The following CELF2 variants were observed in gnomAD, a reference collection of about 807,000 sequenced individuals.
CELF2 encodes CUGBP Elav-like family member 2, also known as CUG triplet repeat RNA-binding protein 2.
CELF2 carries 8 observed loss-of-function variants against 62.6 expected under a neutral mutation model. That is an observed-to-expected ratio of 0.13 (90% confidence interval 0.07 to 0.23). The LOEUF is 0.23. Ranked by LOEUF, CELF2 falls within the 10% of genes least tolerant of loss-of-function variation. CELF2 has a pLI of 1.00. For synonymous variants in CELF2, 258 were observed against 250.0 expected (o/e 1.03, Z -0.30); for missense variants, 333 against 671.0 (o/e 0.50, Z 5.56).
the CELF2 span, among the ~76,000 whole-genome samples, chr10:10,754,069 T>G: frequency 3.3e-5 from 5 of 149,934 alleles, no homozygotes; most frequent in Non-Finnish European, 5.9e-5. Flanking sequence ...TGGTTTTTTT[T>G]TTTTTTTTTT....
chr10:11,276,230 C>T lies in CELF2; in HGVS notation c.841+1110C>T, dbSNP rs187093859. Among the ~76,000 whole-genome samples, 304 of 152,218 alleles carry T rather than the reference C, an allele frequency of 2.0e-3. 1 individual carries two copies. Among genetic ancestry groups the T allele is most frequent in the African/African-American group, 6.6e-3 (275 of 41,526 alleles). ...GGGTGTGGTGTGTGATCGGCAGCCC[C>T]GCCGTTGTGGCCCGAGGCTCCTGGA... is the stretch of plus-strand genomic sequence containing the variant. On this transcript the variant is annotated intron_variant, in intron 8 of 12. Coordinates refer to ENST00000633077, the MANE Select transcript of CELF2 (RefSeq NM_001326342.2).
chr10:10,987,901 C>T (rs961722649), intron 2 of CELF2, among the ~76,000 whole-genome samples: 1 of 152,126 alleles, frequency 6.6e-6, no homozygotes, highest in African/African-American at 2.4e-5. Context: ...CACATTAAAA[C>T]TACACTGAGA....
Position 11,257,263 on chromosome 10 carries a change from C to T in CELF2, c.404-475C>T, listed in dbSNP as rs558619478. Among the ~76,000 whole-genome samples, 87 of 150,840 alleles carry T rather than the reference C, an allele frequency of 5.8e-4. 1 individual carries two copies. In the South Asian group the frequency reaches 0.018, roughly 31 times the overall value. The stretch of plus-strand genomic sequence containing the variant: ...GTGAAAAGTTTCATTCGCTGTTTCG[C>T]TCCATCTGCCCCCATCGTCTTTCCT... On this transcript the variant is annotated intron_variant, in intron 4 of 12. Transcript: ENST00000633077.
intron 1 of CELF2, among the ~76,000 whole-genome samples, chr10:11,018,372 TTCCCGGAGGGACGAGCGGAGCGCGGCG>T (rs995596487): frequency 1.3e-5 from 2 of 151,502 alleles, no homozygotes; most frequent in Non-Finnish European, 2.9e-5. Flanking sequence ...GGCGCGGGGC[TTCCCGGAGGGACGAGCGGAGCGCGGCG>T]TCCCGGGGAC....
chr10:10,777,294 G>A, the CELF2 span, among the ~76,000 whole-genome samples: 1 of 152,126 alleles, frequency 6.6e-6, no homozygotes, highest in Non-Finnish European at 1.5e-5. Context: ...TGGCCCTGGT[G>A]CATCCTCATA....
chr10:10,513,004 T>C, the CELF2 span, among the ~76,000 whole-genome samples: 1 of 152,184 alleles, frequency 6.6e-6, no homozygotes, highest in Admixed American at 6.5e-5. Context: ...TTCAATACCA[T>C]GAAAACGGTG....
At chr10:11,128,722 G>A (rs879825875) in intron 1 of CELF2, among the ~76,000 whole-genome samples, 1 of 152,138 alleles carries the variant, frequency 6.6e-6, no homozygotes, top group Non-Finnish European at 1.5e-5. Flanking sequence ...TTTGCACATG[G>A]ATTTTGTATC....
intron 1 of CELF2, among the ~76,000 whole-genome samples, chr10:11,142,962 G>A (rs2061615882): frequency 6.6e-6 from 1 of 150,970 alleles, no homozygotes; most frequent in Non-Finnish European, 1.5e-5. Context: ...TCCCTCCACT[G>A]GGGGAACTCA....
chr10:10,491,057 C>G, the CELF2 span, among the ~76,000 whole-genome samples: 147 of 152,282 alleles, frequency 9.7e-4, 1 homozygote, highest in African/African-American at 3.3e-3. Flanking sequence ...AGGGAATGGA[C>G]TAAGGAAAAC....
chr10:10,762,743 G>T, the CELF2 span, among the ~76,000 whole-genome samples: 104 of 152,050 alleles, frequency 6.8e-4, no homozygotes, highest in African/African-American at 2.2e-3. Context: ...AGCAAAGAAA[G>T]ATTTGAAAAA....
chr10:10,535,579 G>T, the CELF2 span, among the ~76,000 whole-genome samples: 15 of 152,084 alleles, frequency 9.9e-5, no homozygotes, highest in African/African-American at 3.6e-4. Context: ...AATTAGCTGG[G>T]CATGGTGGCG....
the CELF2 span, among the ~76,000 whole-genome samples, chr10:10,691,610 T>G: frequency 1.3e-5 from 2 of 152,018 alleles, no homozygotes; most frequent in African/African-American, 4.8e-5. Context: ...TGAATCAGTT[T>G]ACAGTCCCAC....
At chr10:10,490,326 T>C in the CELF2 span, among the ~76,000 whole-genome samples, 5 of 152,196 alleles carry the variant, frequency 3.3e-5, no homozygotes, top group East Asian at 9.6e-4. Context: ...ATCACTGTTT[T>C]CCTTTATCAC....
At chr10:10,569,300 G>T in the CELF2 span, among the ~76,000 whole-genome samples, 1 of 152,140 alleles carries the variant, frequency 6.6e-6, no homozygotes, top group African/African-American at 2.4e-5. Flanking sequence ...ACAAAGGCAT[G>T]TCTAAACTGG....
intron 1 of CELF2, among the ~76,000 whole-genome samples, chr10:10,802,552 A>G (rs1311544589): frequency 1.3e-5 from 1 of 74,588 alleles, no homozygotes; most frequent in Non-Finnish European, 2.6e-5. Context: ...ATAAGACTTG[A>G]GAGAAAAAAA....
chr10:10,627,531 T>A, the CELF2 span, among the ~76,000 whole-genome samples: 12 of 152,306 alleles, frequency 7.9e-5, no homozygotes, highest in Admixed American at 6.5e-4. Flanking sequence ...TCCAGCACCT[T>A]ACAGACACTG....
the CELF2 span, among the ~76,000 whole-genome samples, chr10:10,595,909 G>GA: frequency 6.6e-6 from 1 of 152,068 alleles, no homozygotes; most frequent in African/African-American, 2.4e-5. Flanking sequence ...AAAAAGAAAA[G>GA]ATGGTATACA....
chr10:10,602,982 G>A, the CELF2 span, among the ~76,000 whole-genome samples: 3 of 152,066 alleles, frequency 2.0e-5, no homozygotes, highest in Admixed American at 6.5e-5. Flanking sequence ...CAAGGCCCAG[G>A]GAAAGCACAA....
chr10:11,079,198 C>G (rs1408760457), intron 1 of CELF2, among the ~76,000 whole-genome samples: 1 of 152,150 alleles, frequency 6.6e-6, no homozygotes, highest in African/African-American at 2.4e-5. Context: ...AGAGGAGTAT[C>G]TCAAAAATGT....
Sources: gnomAD v4.1 joint callset for allele counts (sites outside exome capture counted in the v4.1 genomes callset) on GRCh38, gnomAD v4.1.1 for gene constraint, MANE v1.5 for transcripts, NCBI Gene and HGNC (gene_info 2026-07-23, HGNC 2026-07-21) for gene names.